The following SMCO1 variants were observed in gnomAD, a reference collection of about 807,000 sequenced individuals.
SMCO1 encodes single-pass membrane and coiled-coil domain-containing protein 1.
A neutral mutation model predicts 7.5 loss-of-function variants in SMCO1; 9 were observed. The observed-to-expected ratio is 1.20, with a 90% CI of 0.72 to 2.09. SMCO1 has a LOEUF of 2.09. Ranked by LOEUF, SMCO1 falls within the 30% of genes most tolerant of loss-of-function variation. SMCO1 has a pLI of 0.00. For missense variants in SMCO1, 219 were observed against 253.1 expected, an observed-to-expected ratio of 0.87 and a Z score of 0.91; for synonymous variants, 90 against 93.8, an observed-to-expected ratio of 0.96 and a Z score of 0.23.
intron 2 of SMCO1, 103 bp downstream of exon 2, chr3:196,509,417 A>G (rs899585361): frequency 7.0e-6 from 7 of 1,002,514 alleles, no homozygotes; most frequent in Non-Finnish European, 1.0e-5. Flanking sequence ...TAATTGCTTT[A>G]CAATCCATTG....
chr3:196,515,960 C>T (rs1209733931), upstream of SMCO1, among the ~76,000 whole-genome samples: 1 of 114,118 alleles, frequency 8.8e-6, no homozygotes, highest in Non-Finnish European at 1.7e-5. Context: ...GATCATGCCA[C>T]TGCACTCCAG....
chr3:196,514,217 A>G (rs1733323527), intron 1 of SMCO1, among the ~76,000 whole-genome samples: 1 of 152,164 alleles, frequency 6.6e-6, no homozygotes, highest in African/African-American at 2.4e-5. Context: ...CTCAGCAGGA[A>G]AGTCAAGGGC....
At chr3:196,513,091 G>A (rs1325293313) in intron 1 of SMCO1, among the ~76,000 whole-genome samples, 1 of 152,108 alleles carries the variant, frequency 6.6e-6, no homozygotes, top group Non-Finnish European at 1.5e-5. Flanking sequence ...CAGTTTGGGA[G>A]GCCAAGGTGG....
intron 1 of SMCO1, among the ~76,000 whole-genome samples, chr3:196,510,051 C>T (rs1203779326): frequency 2.0e-5 from 3 of 152,170 alleles, no homozygotes; most frequent in Non-Finnish European, 4.4e-5. Flanking sequence ...GGCACAATCA[C>T]TACCTCCCAG....
chr3:196,518,318 C>T (rs151082855), upstream of SMCO1, among the ~76,000 whole-genome samples: 45 of 152,332 alleles, frequency 3.0e-4, no homozygotes, highest in African/African-American at 1.1e-3. Flanking sequence ...ATTTGGAGCC[C>T]TCCTCCCATT....
chr3:196,512,182 T>C (rs953674407), intron 1 of SMCO1, among the ~76,000 whole-genome samples: 171 of 134,570 alleles, frequency 1.3e-3, no homozygotes, highest in African/African-American at 3.9e-3. Context: ...TGAGGGAAAC[T>C]TGCCTGGGCC....
upstream of SMCO1, among the ~76,000 whole-genome samples, chr3:196,515,988 G>GATATATATATATAT (rs200613159): frequency 4.2e-4 from 10 of 23,820 alleles, no homozygotes; most frequent in East Asian, 1.4e-3. Flanking sequence ...AAGAGGATAG[G>GATATATATATATAT]ATATATATAT....
intron 1 of SMCO1, among the ~76,000 whole-genome samples, chr3:196,512,433 G>T (rs991933481): frequency 3.3e-5 from 5 of 151,668 alleles, no homozygotes; most frequent in Non-Finnish European, 7.4e-5. Flanking sequence ...TTTTATTCTT[G>T]GTCCTAAATT....
At chr3:196,509,091 C>T (rs928495631) in intron 2 of SMCO1, among the ~76,000 whole-genome samples, 50 of 151,118 alleles carry the variant, frequency 3.3e-4, no homozygotes, top group Non-Finnish European at 2.1e-4. Context: ...GCTTTGTCAC[C>T]CAGGCTGGAG....
intron 1 of SMCO1, among the ~76,000 whole-genome samples, chr3:196,511,055 G>A (rs985479584): frequency 3.9e-5 from 6 of 152,182 alleles, no homozygotes; most frequent in Non-Finnish European, 7.3e-5. Context: ...CACCTAGATT[G>A]TCCTTATGAG....
At position 196,507,978 on chromosome 3, in the gene SMCO1, G is replaced by A. The variant is rs774339055; in HGVS notation, c.554C>T (p.Ala185Val). ...NQALQDSLLR[A>V]VQVIEKGKAV... ...TTTCCCCTTCTCAATTACCTGCACAGCCCTCAGCAAACTGTCCTGCAGAGC... is the reference window on the plus strand; with the variant it reads ...TTTCCCCTTCTCAATTACCTGCACAACCCTCAGCAAACTGTCCTGCAGAGC... Residue 185 changes from alanine to valine, a missense_variant, in exon 3 of 3, where the codon GCT (alanine) becomes GTT (valine). Physicochemically the swap from Ala to Val is moderately conservative, Grantham distance 64. Coordinates refer to ENST00000397537, the MANE Select transcript of SMCO1 (RefSeq NM_001077657.3). 27 of 1,614,084 alleles carry A rather than the reference G, an allele frequency of 1.7e-5. No individual in the cohort carries two copies. Among genetic ancestry groups the A allele is most frequent in the Non-Finnish European group, 2.3e-5 (27 of 1,180,036 alleles).
At position 196,507,858 on chromosome 3, in the gene SMCO1, G is replaced by A. The variant is rs1449554446; in HGVS notation, c.*29C>T. 2.1e-6 allele frequency: 3 copies of A among 1,408,074 alleles called. No homozygotes were observed. Among genetic ancestry groups the A allele is most frequent in the South Asian group, 2.5e-5 (2 of 81,116 alleles). 87.2% of individuals were successfully genotyped at this position (1,408,074 alleles called of 1,614,324 possible). On this transcript the variant is annotated 3_prime_UTR_variant, in exon 3 of 3. Coordinates refer to ENST00000397537, the MANE Select transcript of SMCO1 (RefSeq NM_001077657.3). ...CTGTTTCCAAGATAAATTACTGTAG[G>A]TGGAATCACTGGGTCATAGGGTAAC...
intron 2 of SMCO1, among the ~76,000 whole-genome samples, chr3:196,509,138 C>T (rs1398116470): frequency 1.4e-5 from 2 of 146,864 alleles, no homozygotes; most frequent in African/African-American, 5.0e-5. Flanking sequence ...CAAGCTCCGC[C>T]TCCCGGGTTC....
Position 196,507,796 on chromosome 3 carries a change from TA to T in SMCO1, c.*90del. On this transcript the variant is annotated 3_prime_UTR_variant, in exon 3 of 3. Coordinates refer to ENST00000397537, the MANE Select transcript of SMCO1 (RefSeq NM_001077657.3). The stretch of plus-strand genomic sequence containing the variant: ...TTTAACATCCTCTCACTCTTTGCTA[TA>T]AAAATAAGACTATAATAAATTGTGC... 1.4e-6 allele frequency: 1 copy of T among 727,264 alleles called. No individual in the cohort carries two copies. Among genetic ancestry groups the T allele is most frequent in the Non-Finnish European group, 2.3e-6 (1 of 439,966 alleles). The allele number at this position is 727,264 out of a possible 1,614,324, so 45.1% of individuals were successfully genotyped here. A position where few individuals can be genotyped will look rare whatever the true frequency, so the allele number is the denominator to read the frequency against.
chr3:196,519,905 A>G (rs542418841), upstream of SMCO1, among the ~76,000 whole-genome samples: 223 of 152,202 alleles, frequency 1.5e-3, 3 homozygotes, highest in African/African-American at 5.0e-3. Context: ...ACAAGGTGCC[A>G]GGACCCAGGA....
upstream of SMCO1, among the ~76,000 whole-genome samples, chr3:196,515,624 C>G (rs538072521): frequency 2.6e-4 from 39 of 151,992 alleles, no homozygotes; most frequent in Non-Finnish European, 5.1e-4. Flanking sequence ...CAATTACAAC[C>G]TAAATTAGGT....
chr3:196,508,200 C>T lies in SMCO1; in HGVS notation c.332G>A (p.Arg111Lys), dbSNP rs376080303. Residue 111 changes from arginine to lysine, a missense_variant, in exon 3 of 3, where the codon AGA (arginine) becomes AAA (lysine). Coordinates refer to ENST00000397537, the MANE Select transcript of SMCO1 (RefSeq NM_001077657.3). ...GLPTLASVLR[R>K]KVKNKRVRVV... is the part of the protein sequence containing the mutation. ...TCTAACGCGCTTGTTCTTAACTTTT[C>T]TTCTGAGTACAGAGGCTAAGGTTGG... The T allele has an allele frequency of 2.4e-5, 38 of 1,614,074 alleles. No homozygotes were observed. Among genetic ancestry groups the T allele is most frequent in the Middle Eastern group, 1.6e-4 (1 of 6,084 alleles).
At chr3:196,509,868 C>A (rs1355262929) in intron 1 of SMCO1, among the ~76,000 whole-genome samples, 199 bp from the exon 2 acceptor site, 1 of 152,054 alleles carries the variant, frequency 6.6e-6, no homozygotes, top group African/African-American at 2.4e-5. Context: ...CTCCATTTGC[C>A]ATTCCCTCTA....
upstream of SMCO1, among the ~76,000 whole-genome samples, chr3:196,519,512 A>G (rs538586882): frequency 1.3e-5 from 2 of 152,334 alleles, no homozygotes; most frequent in Admixed American, 1.3e-4. Flanking sequence ...ATACTGTCCC[A>G]TCGGCAGGAA....
Sources: gnomAD v4.1 joint callset for allele counts (sites outside exome capture counted in the v4.1 genomes callset) on GRCh38, gnomAD v4.1.1 for gene constraint, MANE v1.5 for transcripts, NCBI Gene and HGNC (gene_info 2026-07-23, HGNC 2026-07-21) for gene names.